TTLL4: variants seen among roughly 807,000 people sequenced by gnomAD.
TTLL4 encodes the protein tubulin tyrosine ligase like 4.
In TTLL4, 85 loss-of-function variants were observed where a neutral mutation model predicts 122.7. That is an observed-to-expected ratio of 0.69 (90% confidence interval 0.58 to 0.83). The LOEUF is 0.83. Ranked by LOEUF, TTLL4 falls within the 40% of genes least tolerant of loss-of-function variation. TTLL4 has a pLI of 0.00. For synonymous variants in TTLL4, 553 were observed against 563.0 expected, an observed-to-expected ratio of 0.98 and a Z score of 0.25; for missense variants, 1,363 against 1,488.6, an observed-to-expected ratio of 0.92 and a Z score of 1.39.
chr2:218,725,049 G>A (rs930861472), intron 1 of TTLL4, among the ~76,000 whole-genome samples: 6 of 151,968 alleles, frequency 3.9e-5, no homozygotes, highest in African/African-American at 1.5e-4. Flanking sequence ...ATAGGCACAT[G>A]CCACCACACC....
chr2:218,722,432 G>T (rs1942073463), intron 1 of TTLL4, among the ~76,000 whole-genome samples: 1 of 151,774 alleles, frequency 6.6e-6, no homozygotes, highest in Non-Finnish European at 1.5e-5. Context: ...GAAATGGAGG[G>T]AATAAAACAA....
intron 2 of TTLL4, among the ~76,000 whole-genome samples, chr2:218,730,825 C>T (rs139931431): frequency 0.015 from 2,318 of 152,068 alleles, 38 homozygotes; most frequent in South Asian, 0.022. Context: ...CACCACCATG[C>T]CGGGTGTGGT....
At chr2:218,739,961 G>A in intron 3 of TTLL4, 97 bp from the exon 4 acceptor site, 1 of 1,136,524 alleles carries the variant, frequency 8.8e-7, no homozygotes, top group East Asian at 2.4e-5. Flanking sequence ...TGGTAATGGA[G>A]AAGGGGCAAA....
At position 218,738,448 on chromosome 2, in the gene TTLL4, A is replaced by T; in HGVS notation, c.772A>T (p.Thr258Ser). The T allele has an allele frequency of 6.2e-7, 1 of 1,614,204 alleles. No individual in the cohort carries two copies. Among genetic ancestry groups the T allele is most frequent in the Non-Finnish European group, 8.5e-7 (1 of 1,180,034 alleles). The change falls in exon 3 of 20, where the codon ACT (threonine) becomes TCT (serine). Residue 258 changes from threonine to serine, a missense_variant. This residue lies in a region of TTLL4 where 760 missense variants were observed against 808.4 expected (regional missense o/e 0.94). Coordinates refer to ENST00000392102, the MANE Select transcript of TTLL4 (RefSeq NM_014640.5). ...QPVSWHHSGG[T>S]GDCAPQPVDH... ...TGTCTCCTGGCATCATTCAGGGGGT[A>T]CTGGAGACTGTGCACCGCAGCCTGT...
chr2:218,725,304 C>G (rs1255439600), intron 1 of TTLL4, among the ~76,000 whole-genome samples: 2 of 152,116 alleles, frequency 1.3e-5, no homozygotes, highest in Admixed American at 1.3e-4. Context: ...ACCACAGCCT[C>G]CATCTCCTGG....
chr2:218,714,950 A>G (rs1941816142), intron 1 of TTLL4, among the ~76,000 whole-genome samples: 1 of 152,212 alleles, frequency 6.6e-6, no homozygotes, highest in South Asian at 2.1e-4. Flanking sequence ...TTTAGAAGTA[A>G]TAAGCCCATT....
chr2:218,718,159 C>T (rs1035183182), intron 1 of TTLL4, among the ~76,000 whole-genome samples: 41 of 152,116 alleles, frequency 2.7e-4, no homozygotes, highest in Admixed American at 2.6e-4. Context: ...TGAACCATTT[C>T]TGATGTCCTG....
At position 218,739,069 on chromosome 2, in the gene TTLL4, G is replaced by A. The variant is rs776827242; in HGVS notation, c.1393G>A (p.Val465Met). 9 of 1,613,470 alleles carry A rather than the reference G, an allele frequency of 5.6e-6. No individual in the cohort carries two copies. The highest frequency in any genetic ancestry group is 6.8e-6 in the Non-Finnish European group (8 of 1,180,016). ...PFPQTLGIAN[V>M]ATRLSSIQLG... is the part of the protein sequence containing the mutation. The stretch of plus-strand genomic sequence containing the variant: ...TCCTCAAACTCTTGGCATAGCCAAC[G>A]TGGCCACCCGCCTCTCTTCCATCCA... Residue 465 changes from valine (V) to methionine (M), a missense_variant, in exon 3 of 20, where the codon GTG becomes ATG. By Grantham distance (21) the Val-to-Met change is conservative (BLOSUM62 1). Coordinates refer to ENST00000392102, the MANE Select transcript of TTLL4 (RefSeq NM_014640.5).
chr2:218,753,505 C>A, intron 18 of TTLL4, 79 bp from the exon 19 acceptor site: 2 of 1,370,044 alleles, frequency 1.5e-6, no homozygotes, highest in Non-Finnish European at 2.1e-6. Flanking sequence ...AGAGGTAGAG[C>A]TGGAGGGTAC....
intron 2 of TTLL4, among the ~76,000 whole-genome samples, chr2:218,731,069 A>G (rs1244022674): frequency 1.3e-5 from 2 of 151,754 alleles, no homozygotes; most frequent in African/African-American, 2.4e-5. Flanking sequence ...TTATGACTAC[A>G]CCGCTGCACT....
At chr2:218,756,178 G>A (rs979106282), downstream of TTLL4, among the ~76,000 whole-genome samples, 1 of 152,160 alleles carries the variant, frequency 6.6e-6, no homozygotes, top group Non-Finnish European at 1.5e-5. Context: ...GGCCTTCACG[G>A]CAAGGACCTA....
intron 4 of TTLL4, among the ~76,000 whole-genome samples, 162 bp downstream of exon 4, chr2:218,740,329 T>G (rs1170922940): frequency 6.6e-6 from 1 of 152,196 alleles, no homozygotes; most frequent in African/African-American, 2.4e-5. Context: ...CTTGGGTCTC[T>G]AGTCCTCCTG....
At chr2:218,724,406 T>G (rs1942126983) in intron 1 of TTLL4, among the ~76,000 whole-genome samples, 1 of 152,178 alleles carries the variant, frequency 6.6e-6, no homozygotes, top group Non-Finnish European at 1.5e-5. Context: ...CTTGCTCCAT[T>G]ACCTGAAACA....
At chr2:218,748,255 G>C in intron 12 of TTLL4, 28 bp downstream of exon 12, 3 of 1,613,706 alleles carry the variant, frequency 1.9e-6, no homozygotes, top group Non-Finnish European at 2.5e-6. Context: ...TCCCAGTCCA[G>C]TGAAGGCCTA....
At position 218,742,434 on chromosome 2, in the gene TTLL4, T is replaced by C. The variant is rs528101166; in HGVS notation, c.1661+1850T>C. Among the ~76,000 whole-genome samples, 30 of 152,354 alleles carry C rather than the reference T, an allele frequency of 2.0e-4. No homozygotes were observed. The South Asian group carries it at 5.8e-3, about 29-fold the overall frequency. On this transcript the variant is annotated intron_variant, in intron 5 of 19. Transcript: ENST00000392102. The stretch of plus-strand genomic sequence containing the variant: ...AAAAATCATTGGAAACACTACCTGT[T>C]TCTTTACACAGCAGTACTTTCATTG...
intron 1 of TTLL4, among the ~76,000 whole-genome samples, chr2:218,720,406 C>T (rs1368774339): frequency 3.3e-5 from 5 of 152,072 alleles, no homozygotes; most frequent in Admixed American, 6.5e-5. Context: ...AAGAGGGGAA[C>T]GCCTTTTTCA....
At position 218,740,552 on chromosome 2, in the gene TTLL4, C is replaced by G. The variant is rs770891237; in HGVS notation, c.1629C>G (p.Val543=). ...GDSECSSLSA[V]SPSESVAMIS... The stretch of plus-strand genomic sequence containing the variant: ...CAGAGTGCTCCTCATTAAGTGCTGT[C>G]TCCCCCAGCGAATCGGTGGCCATGA... The change falls in exon 5 of 20, where the codon GTC becomes GTG. Residue 543 remains valine (V), a synonymous_variant. Coordinates refer to ENST00000392102, the MANE Select transcript of TTLL4 (RefSeq NM_014640.5). The G allele has an allele frequency of 5.0e-6, 8 of 1,614,168 alleles. No individual in the cohort carries two copies. In the South Asian group the frequency reaches 8.8e-5, roughly 18 times the overall value.
At chr2:218,740,813 C>G (rs966693326) in intron 5 of TTLL4, among the ~76,000 whole-genome samples, 1 of 152,156 alleles carries the variant, frequency 6.6e-6, no homozygotes, top group Non-Finnish European at 1.5e-5. Flanking sequence ...GTGGCTCACA[C>G]CTGTAACCCC....
intron 1 of TTLL4, among the ~76,000 whole-genome samples, chr2:218,720,961 C>T (rs1297260388): frequency 6.6e-6 from 1 of 152,088 alleles, no homozygotes; most frequent in African/African-American, 2.4e-5. Context: ...TCAGTCATGC[C>T]TATTAATGAA....
Sources: gnomAD v4.1 joint callset for allele counts (sites outside exome capture counted in the v4.1 genomes callset) on GRCh38, gnomAD v4.1.1 for gene constraint, gnomAD v4.1.1 regional missense constraint, MANE v1.5 for transcripts, NCBI Gene and HGNC (gene_info 2026-07-23, HGNC 2026-07-21) for gene names.